Variants in FOXP1 observed in about 807,000 individuals in gnomAD.
FOXP1 encodes the protein forkhead box P1.
A neutral mutation model predicts 98.2 loss-of-function variants in FOXP1; 15 were observed. The ratio of observed to expected loss-of-function variants is 0.15; its 90% CI spans 0.10 to 0.24. FOXP1 has a LOEUF of 0.24. Ranked by LOEUF, FOXP1 falls within the 10% of genes least tolerant of loss-of-function variation. The probability of loss-of-function intolerance (pLI) is 1.00; values close to 1 mark genes in which losing one functional copy is unlikely to be tolerated. For missense variants in FOXP1, 633 were observed against 848.5 expected (o/e 0.75, Z 3.15); for synonymous variants, 371 against 314.5 (o/e 1.18, Z -1.90).
Position 71,270,330 on chromosome 3 carries a change from T to G in FOXP1, c.-12+29490A>C, listed in dbSNP as rs530037874. Among the ~76,000 whole-genome samples the G allele has an allele frequency of 4.8e-4, 73 of 152,300 alleles. 1 individual carries two copies. The South Asian group carries it at 0.015, about 31-fold the overall frequency. On this transcript the variant is annotated intron_variant, in intron 5 of 20. Transcript: ENST00000649528. The stretch of plus-strand genomic sequence containing the variant: ...TTCAGGGTGTTTGAACTGTTAATAC[T>G]GATGTGCAAAAATGATGTGCCTCTA...
At chr3:71,361,233 C>T (rs1023628460) in intron 3 of FOXP1, among the ~76,000 whole-genome samples, 4 of 152,078 alleles carry the variant, frequency 2.6e-5, no homozygotes, top group African/African-American at 9.7e-5. Flanking sequence ...GAAAGATGAC[C>T]ATTGTCATCG....
At chr3:71,368,279 C>A (rs562150827) in intron 3 of FOXP1, among the ~76,000 whole-genome samples, 1 of 152,078 alleles carries the variant, frequency 6.6e-6, no homozygotes, top group Non-Finnish European at 1.5e-5. Flanking sequence ...GCGTGTGCCA[C>A]GACACCTGGC....
chr3:71,457,119 TA>T lies in FOXP1; in HGVS notation c.-168+36306del, dbSNP rs201973026. 3.2e-3 allele frequency among the ~76,000 whole-genome samples: 460 copies of T among 142,364 alleles called. 6 individuals are homozygous for T. The East Asian group carries it at 0.05, about 15-fold the overall frequency. 93.4% of individuals were successfully genotyped at this position (142,364 alleles called of 152,430 possible). A position where few individuals can be genotyped will look rare whatever the true frequency, so the allele number is the denominator to read the frequency against. ...CTCTGCTAATCCTCACTATGAAACT[TA>T]AAAAAAAAAAGCATCTGAAATCCAC... On this transcript the variant is annotated intron_variant, in intron 3 of 20. Transcript: ENST00000649528.
chr3:71,436,490 T>C (rs2085370423), intron 3 of FOXP1, among the ~76,000 whole-genome samples: 1 of 150,362 alleles, frequency 6.7e-6, no homozygotes, highest in Admixed American at 6.6e-5. Flanking sequence ...ACCCCATCTA[T>C]CGTCCCTATA....
At chr3:71,207,695 T>C (rs2064152746) in intron 5 of FOXP1, among the ~76,000 whole-genome samples, 1 of 150,830 alleles carries the variant, frequency 6.6e-6, no homozygotes, top group Non-Finnish European at 1.5e-5. Context: ...ATACCTCATA[T>C]TGAAACACAA....
chr3:71,023,441 A>G (rs2045699085), intron 11 of FOXP1, among the ~76,000 whole-genome samples: 1 of 152,152 alleles, frequency 6.6e-6, no homozygotes, highest in Non-Finnish European at 1.5e-5. Context: ...TTCATATACA[A>G]TTTTAGCCCT....
chr3:71,111,184 T>C (rs1480567997), intron 7 of FOXP1, among the ~76,000 whole-genome samples: 1 of 152,174 alleles, frequency 6.6e-6, no homozygotes, highest in Admixed American at 6.5e-5. Flanking sequence ...ATCCAATTAA[T>C]TGGCACCAAG....
chr3:71,233,307 A>C (rs1351456878), intron 5 of FOXP1, among the ~76,000 whole-genome samples: 2 of 152,072 alleles, frequency 1.3e-5, no homozygotes, highest in Admixed American at 6.6e-5. Context: ...ACTTTGTATC[A>C]AGAAAGGTCT....
intron 2 of FOXP1, among the ~76,000 whole-genome samples, chr3:71,518,091 C>T (rs529934324): frequency 5.3e-4 from 80 of 152,254 alleles, no homozygotes; most frequent in African/African-American, 1.8e-3. Context: ...CTTGGGGAAA[C>T]CATAGAAAAT....
chr3:71,191,271 A>G (rs2062963177), intron 6 of FOXP1, among the ~76,000 whole-genome samples: 1 of 152,244 alleles, frequency 6.6e-6, no homozygotes, highest in Admixed American at 6.5e-5. Flanking sequence ...CACTGAAACT[A>G]ATCTGTCAAC....
intron 5 of FOXP1, among the ~76,000 whole-genome samples, chr3:71,220,476 C>G (rs903995460): frequency 6.6e-6 from 1 of 152,146 alleles, no homozygotes; most frequent in African/African-American, 2.4e-5. Flanking sequence ...GGGCCAGCAC[C>G]CTGGCTTACG....
At chr3:71,443,047 A>C (rs1165738896) in intron 3 of FOXP1, among the ~76,000 whole-genome samples, 1 of 152,080 alleles carries the variant, frequency 6.6e-6, no homozygotes, top group Non-Finnish European at 1.5e-5. Context: ...ATGTACCACC[A>C]CACCTGGCTA....
At chr3:71,523,646 T>C (rs1443520345) in intron 2 of FOXP1, among the ~76,000 whole-genome samples, 1 of 152,162 alleles carries the variant, frequency 6.6e-6, no homozygotes, top group African/African-American at 2.4e-5. Context: ...CCTTTCCTAA[T>C]TGTGTATTTT....
chr3:71,024,385 C>T (rs1398856319), intron 11 of FOXP1, among the ~76,000 whole-genome samples: 2 of 152,190 alleles, frequency 1.3e-5, no homozygotes, highest in Non-Finnish European at 2.9e-5. Context: ...TGCAGAAAAA[C>T]ACCACCCTAC....
At chr3:71,217,229 C>T (rs1002795714) in intron 5 of FOXP1, among the ~76,000 whole-genome samples, 9 of 151,966 alleles carry the variant, frequency 5.9e-5, no homozygotes, top group African/African-American at 1.9e-4. Flanking sequence ...TGTGCCACCA[C>T]GCCCAGCTAA....
intron 13 of FOXP1, among the ~76,000 whole-genome samples, chr3:70,993,677 T>A (rs1015654944): frequency 6.6e-6 from 1 of 152,198 alleles, no homozygotes; most frequent in Admixed American, 6.5e-5. Context: ...AGACATATAT[T>A]GATTTCCAAA....
intron 20 of FOXP1, among the ~76,000 whole-genome samples, chr3:70,961,503 T>C (rs1295000116): frequency 2.0e-5 from 3 of 152,122 alleles, no homozygotes; most frequent in African/African-American, 7.2e-5. Flanking sequence ...ACTGCTGGGA[T>C]TACAGGCGTG....
At chr3:71,459,351 G>C (rs2087800066) in intron 3 of FOXP1, among the ~76,000 whole-genome samples, 1 of 152,164 alleles carries the variant, frequency 6.6e-6, no homozygotes, top group African/African-American at 2.4e-5. Flanking sequence ...AACAAAGCAA[G>C]TTACAAGGTC....
chr3:71,014,296 A>G (rs1256815692), intron 12 of FOXP1, among the ~76,000 whole-genome samples: 1 of 152,214 alleles, frequency 6.6e-6, no homozygotes, highest in Non-Finnish European at 1.5e-5. Flanking sequence ...ATTTACAAGA[A>G]AAAAATCAAA....
Sources: allele counts gnomAD v4.1 joint callset (sites outside exome capture counted in the v4.1 genomes callset), GRCh38; gene constraint gnomAD v4.1.1; transcripts MANE v1.5; gene names NCBI Gene and HGNC (gene_info 2026-07-23, HGNC 2026-07-21).